Variants in SLC29A3 observed in about 807,000 individuals in gnomAD.
The protein encoded by SLC29A3 is equilibrative nucleoside transporter 3.
Under a neutral mutation model 25.4 loss-of-function variants are expected in SLC29A3, and 18 were observed. The observed-to-expected ratio is 0.71, with a 90% confidence interval of 0.49 to 1.05. The LOEUF (loss-of-function observed/expected upper bound fraction) is 1.05, where lower values mean the gene tolerates loss of function less well. Ranked by LOEUF, SLC29A3 falls within the 50% of genes least tolerant of loss-of-function variation. The pLI is 0.00. For synonymous variants in SLC29A3, 258 were observed against 267.1 expected (o/e 0.97, Z 0.33); for missense variants, 586 against 609.0 (o/e 0.96, Z 0.40).
intron 2 of SLC29A3, among the ~76,000 whole-genome samples, chr10:71,331,451 T>C (rs1276714913): frequency 6.6e-6 from 1 of 151,986 alleles, no homozygotes; most frequent in African/African-American, 2.4e-5. Context: ...AGCAGGCAGT[T>C]TGTGTGTGGA....
At chr10:71,346,576 A>G (rs1191684162) in intron 3 of SLC29A3, among the ~76,000 whole-genome samples, 2 of 152,292 alleles carry the variant, frequency 1.3e-5, no homozygotes, top group East Asian at 3.9e-4. Flanking sequence ...ACGGTGACAC[A>G]TGCATGTAGT....
At position 71,356,166 on chromosome 10, in the gene SLC29A3, C is replaced by G. The variant is rs2131844391; in HGVS notation, c.696C>G (p.Ala232=). The G allele has an allele frequency of 4.3e-6, 7 of 1,614,172 alleles. No homozygotes were observed. Among genetic ancestry groups the G allele is most frequent in the Non-Finnish European group, 5.9e-6 (7 of 1,180,018 alleles). ...ASSDVRNSAL[A]FFLTATVFLV... ...GTGATGTGAGGAACAGCGCCCTGGC[C>G]TTCTTCCTGACGGCCACTGTCTTCC... The change falls in exon 5 of 6, where the codon GCC becomes GCG. Residue 232 remains alanine, a synonymous_variant. Transcript: ENST00000373189.
intron 1 of SLC29A3, 175 bp downstream of exon 1, chr10:71,319,485 TG>T (rs747079995): frequency 4.6e-5 from 20 of 431,218 alleles, no homozygotes; most frequent in Non-Finnish European, 7.4e-5. Flanking sequence ...CCTTGCTCTC[TG>T]CCACCCCTCT....
chr10:71,377,394 G>T (rs1175532189), intron 4 of SLC29A3, among the ~76,000 whole-genome samples: 1 of 152,246 alleles, frequency 6.6e-6, no homozygotes, highest in Non-Finnish European at 1.5e-5. Flanking sequence ...GCTCAGCTCG[G>T]CCAGAAACAG....
chr10:71,321,896 A>G (rs922157550), intron 1 of SLC29A3, among the ~76,000 whole-genome samples: 2 of 152,242 alleles, frequency 1.3e-5, no homozygotes, highest in Non-Finnish European at 2.9e-5. Flanking sequence ...TACGTGGCCT[A>G]TGGCCTTCAG....
At chr10:71,367,402 G>C (rs1847178833), downstream of SLC29A3, among the ~76,000 whole-genome samples, 1 of 152,150 alleles carries the variant, frequency 6.6e-6, no homozygotes. Context: ...ACCTTCCTGA[G>C]TCTCATTTCC....
chr10:71,369,181 G>T (rs1317058593), intron 3 of SLC29A3, among the ~76,000 whole-genome samples: 1 of 152,212 alleles, frequency 6.6e-6, no homozygotes, highest in African/African-American at 2.4e-5. Context: ...CACCAAATCT[G>T]CTGCAACCTT....
At chr10:71,338,986 A>G (rs1424498015) in intron 2 of SLC29A3, among the ~76,000 whole-genome samples, 1 of 152,182 alleles carries the variant, frequency 6.6e-6, no homozygotes, top group African/African-American at 2.4e-5. Context: ...GAGACAGACA[A>G]CCTCAGCTAG....
At chr10:71,333,399 C>T (rs750887112) in intron 2 of SLC29A3, among the ~76,000 whole-genome samples, 3 of 152,266 alleles carry the variant, frequency 2.0e-5, no homozygotes, top group Non-Finnish European at 4.4e-5. Context: ...AGGCCTAGAG[C>T]AGCCTGTGGT....
chr10:71,370,109 G>A (rs1274239118), intron 3 of SLC29A3, among the ~76,000 whole-genome samples: 1 of 152,182 alleles, frequency 6.6e-6, no homozygotes, highest in African/African-American at 2.4e-5. Flanking sequence ...GGCTGCAGAT[G>A]TTATAGGCAC....
chr10:71,368,174 G>A (rs1847184950), downstream of SLC29A3, among the ~76,000 whole-genome samples: 1 of 152,136 alleles, frequency 6.6e-6, no homozygotes, highest in African/African-American at 2.4e-5. Flanking sequence ...AGGTTACAGT[G>A]AGCTAGAATT....
chr10:71,358,982 C>T (rs1053405827), intron 5 of SLC29A3, among the ~76,000 whole-genome samples: 2 of 152,192 alleles, frequency 1.3e-5, no homozygotes, highest in African/African-American at 4.8e-5. Flanking sequence ...ACAATCACGG[C>T]TCACGGCAGC....
intron 2 of SLC29A3, among the ~76,000 whole-genome samples, chr10:71,339,170 C>T (rs1157154985): frequency 6.6e-6 from 1 of 152,254 alleles, no homozygotes; most frequent in Non-Finnish European, 1.5e-5. Flanking sequence ...GAGAGCGATT[C>T]CAGCCCTGCC....
At chr10:71,378,834 C>T (rs1847280571) in intron 4 of SLC29A3, among the ~76,000 whole-genome samples, 1 of 152,204 alleles carries the variant, frequency 6.6e-6, no homozygotes. Context: ...GTCTCCTTCC[C>T]TTTCTTGTCT....
chr10:71,343,716 G>A (rs1846477611), intron 2 of SLC29A3, among the ~76,000 whole-genome samples: 1 of 152,204 alleles, frequency 6.6e-6, no homozygotes, highest in South Asian at 2.1e-4. Context: ...GCGGGGCCAA[G>A]GCGAGAGGAT....
At chr10:71,353,133 G>A (rs551434052) in intron 4 of SLC29A3, among the ~76,000 whole-genome samples, 2 of 152,270 alleles carry the variant, frequency 1.3e-5, no homozygotes, top group Non-Finnish European at 2.9e-5. Context: ...CCTTCTCAGC[G>A]CAGCACTTGA....
chr10:71,377,500 G>T (rs1847262056), intron 4 of SLC29A3, among the ~76,000 whole-genome samples: 1 of 152,218 alleles, frequency 6.6e-6, no homozygotes, highest in Non-Finnish European at 1.5e-5. Context: ...TCCGGGAGCC[G>T]CGGGGCAGGC....
chr10:71,352,609 A>G (rs1288497172), intron 4 of SLC29A3: 3 of 152,362 alleles, frequency 2.0e-5, no homozygotes, highest in Admixed American at 6.5e-5. Flanking sequence ...AACAAGCACC[A>G]GTCCCCTCGG....
chr10:71,363,795 T>C (rs1191563625), downstream of SLC29A3, among the ~76,000 whole-genome samples: 1 of 61,368 alleles, frequency 1.6e-5, no homozygotes, highest in Non-Finnish European at 4.5e-5. Flanking sequence ...TTTTTTTTCT[T>C]TTTTTCCTTT....
Sources: allele counts gnomAD v4.1 joint callset (sites outside exome capture counted in the v4.1 genomes callset), GRCh38; gene constraint gnomAD v4.1.1; transcripts MANE v1.5; gene names NCBI Gene and HGNC (gene_info 2026-07-23, HGNC 2026-07-21).